PPP2R2B: variants seen among roughly 807,000 people sequenced by gnomAD.
The protein encoded by PPP2R2B is protein phosphatase 2 regulatory subunit Bbeta.
A neutral mutation model predicts 46.0 loss-of-function variants in PPP2R2B; 5 were observed. That is an observed-to-expected ratio of 0.11 (90% CI 0.06 to 0.23). The LOEUF (loss-of-function observed/expected upper bound fraction) is 0.23, where lower values mean the gene tolerates loss of function less well. PPP2R2B is among the 10% of genes least tolerant of loss of function. The pLI is 1.00. For synonymous variants in PPP2R2B, 215 were observed against 206.7 expected (o/e 1.04, Z -0.34); for missense variants, 367 against 575.0 (o/e 0.64, Z 3.70).
chr5:146,599,600 G>A (rs1023689410), intron 8 of PPP2R2B, among the ~76,000 whole-genome samples: 6 of 152,156 alleles, frequency 3.9e-5, no homozygotes, highest in African/African-American at 1.2e-4. Context: ...CAAGGTGTAA[G>A]CACCCTGAAC....
At chr5:146,863,333 T>C (rs1299093091) in intron 2 of PPP2R2B, among the ~76,000 whole-genome samples, 2 of 152,166 alleles carry the variant, frequency 1.3e-5, no homozygotes, top group African/African-American at 4.8e-5. Context: ...TCTCTTCTGA[T>C]AGTTCAGGGT....
intron 7 of PPP2R2B, chr5:146,607,004 A>G (rs1210393953): frequency 6.6e-6 from 1 of 152,178 alleles, no homozygotes; most frequent in Non-Finnish European, 1.5e-5. Flanking sequence ...GTTTGGAGAC[A>G]TGGTTGACAA....
chr5:146,951,785 T>C (rs1189738553), intron 1 of PPP2R2B, among the ~76,000 whole-genome samples: 2 of 152,048 alleles, frequency 1.3e-5, no homozygotes, highest in East Asian at 3.9e-4. Context: ...GTTGATTCCA[T>C]GTGTTTGCTA....
At position 146,709,101 on chromosome 5, in the gene PPP2R2B, T is replaced by C. The variant is rs117027484; in HGVS notation, c.71-7959A>G. 1.0e-3 allele frequency among the ~76,000 whole-genome samples: 155 copies of C among 152,358 alleles called. 1 individual carries two copies. In the East Asian group the frequency reaches 0.015, roughly 15 times the overall value. On this transcript the variant is annotated intron_variant, in intron 2 of 9. Coordinates refer to ENST00000394411, the MANE Select transcript of PPP2R2B (RefSeq NM_181675.4). ...CCTCTGTCATCCAATCAGTGTCTAG[T>C]ATTTGGATACTGAATATTCTTCCTT...
intron 9 of PPP2R2B, among the ~76,000 whole-genome samples, chr5:146,591,472 TA>T (rs1400545383): frequency 6.6e-6 from 1 of 152,152 alleles, no homozygotes; most frequent in Non-Finnish European, 1.5e-5. Flanking sequence ...CAACTTCTAT[TA>T]TCCCCTAAAA....
chr5:146,790,171 A>G lies in PPP2R2B; in HGVS notation c.70+87831T>C, dbSNP rs1459352070. ...GATTATCCAGCCCCAGATGCAAATG[A>G]AAAGGGCACAGTGGGTCACTGGTTT... On this transcript the variant is annotated intron_variant, in intron 2 of 9. Transcript: ENST00000394411. 2.0e-5 allele frequency among the ~76,000 whole-genome samples: 3 copies of G among 152,198 alleles called. No homozygotes were observed. In the East Asian group the frequency reaches 5.8e-4, roughly 29 times the overall value.
intron 2 of PPP2R2B, among the ~76,000 whole-genome samples, chr5:146,739,868 G>A (rs150611711): frequency 1.3e-5 from 2 of 152,276 alleles, no homozygotes; most frequent in African/African-American, 4.8e-5. Context: ...AATGAATAAT[G>A]TCTGTGGGAA....
intron 2 of PPP2R2B, among the ~76,000 whole-genome samples, chr5:146,851,048 G>A (rs1213248691): frequency 1.3e-5 from 2 of 152,030 alleles, no homozygotes; most frequent in Non-Finnish European, 2.9e-5. Flanking sequence ...AAATAAACAT[G>A]AGGTCCTTTT....
intron 2 of PPP2R2B, among the ~76,000 whole-genome samples, chr5:146,877,133 G>A (rs1761939980): frequency 1.4e-5 from 2 of 140,324 alleles, no homozygotes; most frequent in Non-Finnish European, 3.0e-5. Flanking sequence ...TTTTGGCACT[G>A]GGGGAAAAAA....
chr5:146,761,018 G>A (rs1754130732), intron 2 of PPP2R2B, among the ~76,000 whole-genome samples: 3 of 152,164 alleles, frequency 2.0e-5, no homozygotes, highest in Admixed American at 2.0e-4. Flanking sequence ...GAAACAACAG[G>A]TGCTGGAGAG....
chr5:146,785,826 G>T (rs1391410829), intron 2 of PPP2R2B, among the ~76,000 whole-genome samples: 1 of 152,142 alleles, frequency 6.6e-6, no homozygotes, highest in African/African-American at 2.4e-5. Flanking sequence ...AGCTAAAAAA[G>T]TTGATCTCAT....
intron 2 of PPP2R2B, among the ~76,000 whole-genome samples, chr5:146,844,261 C>T (rs368857856): frequency 3.9e-4 from 58 of 149,498 alleles, no homozygotes; most frequent in African/African-American, 1.3e-3. Flanking sequence ...CTAGATGACA[C>T]GTTAGTGGGT....
chr5:146,878,378 C>T lies in PPP2R2B; in HGVS notation c.-124-183G>A. 1.4e-6 allele frequency: 2 copies of T among 1,433,562 alleles called. No individual in the cohort carries two copies. Among genetic ancestry groups the T allele is most frequent in the Non-Finnish European group, 1.8e-6 (2 of 1,100,010 alleles). The allele number at this position is 1,433,562 out of a possible 1,614,324, so 88.8% of individuals were successfully genotyped here. A position where few individuals can be genotyped will look rare whatever the true frequency, so the allele number is the denominator to read the frequency against. ...GCTGCCTCCGGGTGCCAAGATACGC[C>T]GTGCCCCGAGGGGTCTGGTCCCGCC... On this transcript the variant is annotated intron_variant, in intron 1 of 9. Transcript: ENST00000394411. The surrounding 1 kb of genome is among the most constrained non-coding windows in gnomAD (Gnocchi z 4.5).
intron 5 of PPP2R2B, among the ~76,000 whole-genome samples, chr5:146,673,530 G>A (rs524509): frequency 0.77 from 116,462 of 152,018 alleles, 46,015 homozygotes; most frequent in Non-Finnish European, 0.86. Flanking sequence ...TCTAATATTC[G>A]ATAGTGGATC....
At chr5:146,876,164 A>G (rs542659229) in intron 2 of PPP2R2B, among the ~76,000 whole-genome samples, 1 of 152,340 alleles carries the variant, frequency 6.6e-6, no homozygotes, top group Non-Finnish European at 1.5e-5. Context: ...TCTCATTGCT[A>G]TAAACTCATA....
chr5:146,748,993 T>C (rs566771398), intron 2 of PPP2R2B, among the ~76,000 whole-genome samples: 7 of 152,342 alleles, frequency 4.6e-5, no homozygotes, highest in Non-Finnish European at 7.3e-5. Context: ...TCCAGAATTT[T>C]TTCCCTAGAA....
intron 2 of PPP2R2B, among the ~76,000 whole-genome samples, chr5:146,866,872 T>C (rs1761342422): frequency 6.6e-6 from 1 of 152,174 alleles, no homozygotes; most frequent in Admixed American, 6.5e-5. Context: ...AAAAAGTGCC[T>C]TCCATTCTTT....
chr5:147,065,351 T>C (rs1013187254), intron 2 of PPP2R2B, among the ~76,000 whole-genome samples: 1 of 152,028 alleles, frequency 6.6e-6, no homozygotes, highest in African/African-American at 2.4e-5. Flanking sequence ...AGACAGTATG[T>C]GTGTAGTGCT....
At chr5:146,600,575 G>T in intron 7 of PPP2R2B, 115 bp from the exon 8 acceptor site, 1 of 1,009,454 alleles carries the variant, frequency 9.9e-7, no homozygotes, top group Non-Finnish European at 1.4e-6. Flanking sequence ...TAGGGCTGGT[G>T]TCTGCAGAAT....
Sources: allele counts gnomAD v4.1 joint callset (sites outside exome capture counted in the v4.1 genomes callset), GRCh38; gene constraint gnomAD v4.1.1; non-coding constraint Gnocchi (gnomAD v3.1); transcripts MANE v1.5; gene names NCBI Gene and HGNC (gene_info 2026-07-23, HGNC 2026-07-21).